The following DAAM2 variants were observed in gnomAD, a reference collection of about 807,000 sequenced individuals.
DAAM2 encodes dishevelled associated activator of morphogenesis 2, also known as disheveled-associated activator of morphogenesis 2.
In DAAM2, 39 loss-of-function variants were observed where a neutral mutation model predicts 120.7. The observed-to-expected ratio is 0.32, with a 90% CI of 0.25 to 0.42. DAAM2 has a LOEUF of 0.42. Ranked by LOEUF, DAAM2 falls within the 10% of genes least tolerant of loss-of-function variation. DAAM2 has a pLI of 1.00. For missense variants in DAAM2, 1,283 were observed against 1,401.7 expected (o/e 0.92, Z 1.35); for synonymous variants, 488 against 524.9 (o/e 0.93, Z 0.96).
At chr6:39,899,383 T>C (rs1381820290) in intron 22 of DAAM2, among the ~76,000 whole-genome samples, 7 of 152,216 alleles carry the variant, frequency 4.6e-5, no homozygotes, top group African/African-American at 1.2e-4. Context: ...CCCGTTCTGA[T>C]GGCTTCTCGG....
chr6:39,844,653 T>C (rs2149260208), intron 1 of DAAM2, among the ~76,000 whole-genome samples: 1 of 152,222 alleles, frequency 6.6e-6, no homozygotes, highest in African/African-American at 2.4e-5. Flanking sequence ...AGAAAAGACA[T>C]TGCCTTCTCA....
chr6:39,891,777 G>C, intron 19 of DAAM2, 55 bp downstream of exon 19: 3 of 1,449,074 alleles, frequency 2.1e-6, no homozygotes, highest in Non-Finnish European at 2.8e-6. Context: ...AGAAAGGCAG[G>C]GTGGGTGGGA....
rs1369453171 is a variant in DAAM2, at chr6:39,880,366, G to A, written c.1845+889G>A. Among the ~76,000 whole-genome samples, 5 of 152,320 alleles carry A rather than the reference G, an allele frequency of 3.3e-5. No homozygotes were observed. The East Asian group carries it at 9.7e-4, about 29-fold the overall frequency. Reference sequence around the variant, plus strand: ...TCAAATGCAGAGTCAAGTGGGAAGAGATGCAAGATTGCTAAGTAGGTGGTC... The same window carrying A: ...TCAAATGCAGAGTCAAGTGGGAAGAAATGCAAGATTGCTAAGTAGGTGGTC... On this transcript the variant is annotated intron_variant, in intron 14 of 24. Transcript: ENST00000274867.
intron 21 of DAAM2, 162 bp downstream of exon 21, chr6:39,897,444 G>C: frequency 1.7e-6 from 1 of 584,238 alleles, no homozygotes; most frequent in South Asian, 2.0e-5. Flanking sequence ...AGCAAAGGGG[G>C]TTTAGCATAG....
rs1364750368 is a variant in DAAM2 at position 39,903,465 on chromosome 6, G to A, written c.*1428G>A. The A allele has an allele frequency of 1.3e-5, 2 of 152,214 alleles. No homozygotes were observed. The highest frequency in any genetic ancestry group is 2.9e-5 in the Non-Finnish European group (2 of 68,054). The allele number at this position is 152,214 out of a possible 1,614,324, so 9.4% of individuals were successfully genotyped here. A position where few individuals can be genotyped will look rare whatever the true frequency, so the allele number is the denominator to read the frequency against. ...CATCTCATGCTGGCCTTGGTGGATGGGATGGCTGTATCTAGACAAAATTTT... is the reference window on the plus strand; with the variant it reads ...CATCTCATGCTGGCCTTGGTGGATGAGATGGCTGTATCTAGACAAAATTTT... On this transcript the variant is annotated 3_prime_UTR_variant, in exon 25 of 25. Transcript: ENST00000274867.
At position 39,901,493 on chromosome 6, in the gene DAAM2, T is replaced by C. The variant is rs1318524837; in HGVS notation, c.2982+21T>C. 2.5e-6 allele frequency: 4 copies of C among 1,595,524 alleles called. No homozygotes were observed. The South Asian group carries it at 3.3e-5, about 13-fold the overall frequency. Reference sequence around the variant, plus strand: ...CCATGGTGAGGGGCAGTGCCAGGCCTGGGACTGAGGGGAGACGGGTGCTAC... The same window carrying C: ...CCATGGTGAGGGGCAGTGCCAGGCCCGGGACTGAGGGGAGACGGGTGCTAC... On this transcript the variant is annotated intron_variant, in intron 24 of 24. Coordinates refer to ENST00000274867, the MANE Select transcript of DAAM2 (RefSeq NM_001201427.2). The surrounding 1 kb of genome is among the most constrained non-coding windows in gnomAD (Gnocchi z 4.5).
chr6:39,860,848 T>C (rs998594201), intron 2 of DAAM2, 80 bp from the exon 3 acceptor site: 10 of 1,133,050 alleles, frequency 8.8e-6, no homozygotes, highest in African/African-American at 1.5e-5. Context: ...TTTGGGGGAA[T>C]TGTAATTTCC....
chr6:39,867,464 C>A, intron 5 of DAAM2, 46 bp from the exon 6 acceptor site: 2 of 1,581,658 alleles, frequency 1.3e-6, no homozygotes. Context: ...AAAGTGTACA[C>A]AGAATCATAT....
chr6:39,894,943 A>G (rs1244861738), intron 19 of DAAM2, among the ~76,000 whole-genome samples: 1 of 152,164 alleles, frequency 6.6e-6, no homozygotes, highest in African/African-American at 2.4e-5. Flanking sequence ...TATGAAAGGA[A>G]TGATAGAGTA....
chr6:39,889,581 CTA>C (rs780912920), intron 17 of DAAM2, among the ~76,000 whole-genome samples: 8 of 152,154 alleles, frequency 5.3e-5, no homozygotes, highest in Non-Finnish European at 7.4e-5. Context: ...CAAATACTGA[CTA>C]AAATAAATAC....
intron 1 of DAAM2, among the ~76,000 whole-genome samples, chr6:39,813,528 CAAG>C (rs1762225008): frequency 6.6e-6 from 1 of 152,056 alleles, no homozygotes; most frequent in Non-Finnish European, 1.5e-5. Context: ...GAGTTATAAT[CAAG>C]AAAAGCTTTA....
intron 14 of DAAM2, among the ~76,000 whole-genome samples, chr6:39,881,298 G>C (rs71571395): frequency 1.3e-5 from 2 of 152,184 alleles, no homozygotes; most frequent in South Asian, 4.2e-4. Flanking sequence ...CAAGGTGAAC[G>C]GTCTTTGAAT....
chr6:39,825,896 T>C (rs1451810065), intron 1 of DAAM2, among the ~76,000 whole-genome samples: 1 of 152,240 alleles, frequency 6.6e-6, no homozygotes. Flanking sequence ...AGTCCTGCTC[T>C]ATCATTGCTA....
intron 1 of DAAM2, among the ~76,000 whole-genome samples, chr6:39,801,377 G>A (rs1009933801): frequency 1.3e-5 from 2 of 152,112 alleles, no homozygotes; most frequent in Admixed American, 6.5e-5. Context: ...TAATCTGAGG[G>A]GTGTGGATGT....
intron 1 of DAAM2, among the ~76,000 whole-genome samples, chr6:39,802,575 C>T (rs908319746): frequency 3.3e-5 from 5 of 152,090 alleles, no homozygotes; most frequent in Non-Finnish European, 4.4e-5. Flanking sequence ...GAGTGCATCT[C>T]ATTAGCTGTT....
chr6:39,864,502 G>A lies in DAAM2; in HGVS notation c.328G>A (p.Ala110Thr), dbSNP rs771994239. The A allele has an allele frequency of 6.2e-7, 1 of 1,609,590 alleles. No homozygotes were observed. Among genetic ancestry groups the A allele is most frequent in the Admixed American group, 1.7e-5 (1 of 59,690 alleles). ...TTACATCGACCGCATCAATTCCATG[G>A]CTGCGGTGAGTGGCTGCCCCTCTCC... ...DYYIDRINSM[A>T]AMQSLYAFDE... Residue 110 changes from alanine (A) to threonine (T), a missense_variant, in exon 4 of 25, where the codon GCT becomes ACT. Ala to Thr is a moderately conservative substitution (Grantham distance 58). Transcript: ENST00000274867.
rs187941646 is a variant in DAAM2 at position 39,877,770 on chromosome 6, C to T, written c.1302-433C>T. Among the ~76,000 whole-genome samples, 428 of 152,310 alleles carry T rather than the reference C, an allele frequency of 2.8e-3. 1 individual carries two copies. Among genetic ancestry groups the T allele is most frequent in the Middle Eastern group, 0.02 (6 of 294 alleles). ...GTGGGTGATGTCTCTTGCTCTTACGCATTGGTCTTTGGAAACCTGGACCAT... is the reference window on the plus strand; with the variant it reads ...GTGGGTGATGTCTCTTGCTCTTACGTATTGGTCTTTGGAAACCTGGACCAT... On this transcript the variant is annotated intron_variant, in intron 11 of 24. Transcript: ENST00000274867.
At chr6:39,817,460 C>T (rs941868542) in intron 1 of DAAM2, among the ~76,000 whole-genome samples, 3 of 152,146 alleles carry the variant, frequency 2.0e-5, no homozygotes, top group African/African-American at 4.8e-5. Flanking sequence ...CTGAGGCTGG[C>T]AGAACAGGCC....
rs1762214789 is a variant in DAAM2 at position 39,813,176 on chromosome 6, G to A, written c.-57+20711G>A. 2.0e-5 allele frequency among the ~76,000 whole-genome samples: 3 copies of A among 152,088 alleles called. 1 individual carries two copies. The highest frequency in any genetic ancestry group is 4.1e-4 in the South Asian group (2 of 4,828). On this transcript the variant is annotated intron_variant, in intron 1 of 24. Transcript: ENST00000274867. Reference sequence around the variant, plus strand: ...TGTGTGTGTGTGTGTGCGTGTGTGTGTGTATGTATGTGTACACAGTTCTCC... The same window carrying A: ...TGTGTGTGTGTGTGTGCGTGTGTGTATGTATGTATGTGTACACAGTTCTCC...
Sources: gnomAD v4.1 joint callset for allele counts (sites outside exome capture counted in the v4.1 genomes callset) on GRCh38, gnomAD v4.1.1 for gene constraint, Gnocchi (gnomAD v3.1) non-coding constraint, MANE v1.5 for transcripts, NCBI Gene and HGNC (gene_info 2026-07-23, HGNC 2026-07-21) for gene names.